PCDHGB2: variants seen among roughly 807,000 people sequenced by gnomAD.
The protein encoded by PCDHGB2 is protocadherin gamma subfamily B, 2.
Under a neutral mutation model 59.3 loss-of-function variants are expected in PCDHGB2, and 55 were observed. The ratio of observed to expected loss-of-function variants is 0.93; its 90% confidence interval spans 0.75 to 1.16. PCDHGB2 has a LOEUF of 1.16. PCDHGB2 is among the 50% of genes most tolerant of loss of function. PCDHGB2 has a pLI of 0.00. For missense variants in PCDHGB2, 1,228 were observed against 1,198.5 expected (o/e 1.02, Z -0.36); for synonymous variants, 516 against 512.0 (o/e 1.01, Z -0.11).
At position 141,405,272 on chromosome 5, in the gene PCDHGB2, A is replaced by G. The variant is rs551265067; in HGVS notation, c.2421+42716A>G. The G allele has an allele frequency of 9.3e-6, 15 of 1,614,170 alleles. No individual in the cohort carries two copies. In the South Asian group the frequency reaches 1.6e-4, roughly 18 times the overall value. On this transcript the variant is annotated intron_variant, in intron 1 of 3. Transcript: ENST00000522605. ...GAGTCACCTGATCTTCCCCCAGCCC[A>G]ACTATGCAGACACACTCATCAGCCA...
intron 1 of PCDHGB2, among the ~76,000 whole-genome samples, chr5:141,452,388 A>G (rs892688242): frequency 3.9e-5 from 6 of 152,210 alleles, no homozygotes; most frequent in Non-Finnish European, 5.9e-5. Flanking sequence ...TAGTATTTAG[A>G]AACTAAGATC....
chr5:141,364,114 T>C, intron 1 of PCDHGB2: 4 of 451,898 alleles, frequency 8.9e-6, no homozygotes, highest in Non-Finnish European at 1.5e-5. Flanking sequence ...TGGTTAGGAC[T>C]CTGAGTGTCG....
chr5:141,374,406 T>A (rs748431130), intron 1 of PCDHGB2: 2 of 1,614,018 alleles, frequency 1.2e-6, no homozygotes, highest in East Asian at 2.2e-5. Context: ...AGTTTTAACA[T>A]CCTTGTCGAG....
At chr5:141,478,840 A>G (rs2099480064) in intron 1 of PCDHGB2, 1 of 1,410,466 alleles carries the variant, frequency 7.1e-7, no homozygotes, top group Non-Finnish European at 9.3e-7. Context: ...AGGGATGGTT[A>G]AGCTAAAACA....
intron 1 of PCDHGB2, chr5:141,414,822 C>A: frequency 6.2e-7 from 1 of 1,614,240 alleles, no homozygotes; most frequent in Non-Finnish European, 8.5e-7. Context: ...TCAGCAGCAA[C>A]GTGTCGTTGA....
intron 1 of PCDHGB2, chr5:141,371,970 C>A: frequency 6.2e-7 from 1 of 1,613,250 alleles, no homozygotes; most frequent in Non-Finnish European, 8.5e-7. Context: ...CGAGCAGCTG[C>A]GTGCCTTCGA....
chr5:141,422,226 G>A (rs766346054), intron 1 of PCDHGB2: 1 of 1,565,844 alleles, frequency 6.4e-7, no homozygotes, highest in East Asian at 2.2e-5. Flanking sequence ...CCACCACGAC[G>A]ATGTTGATCA....
chr5:141,489,701 T>C lies in PCDHGB2; in HGVS notation c.2422-5106T>C, dbSNP rs1038902932. The C allele has an allele frequency of 1.9e-6, 3 of 1,614,128 alleles. No homozygotes were observed. The highest frequency in any genetic ancestry group is 2.5e-6 in the Non-Finnish European group (3 of 1,179,944). On this transcript the variant is annotated intron_variant, in intron 1 of 3. Transcript: ENST00000522605. The surrounding 1 kb of genome is among the most constrained non-coding windows in gnomAD (Gnocchi z 4.5). ...GCAGCATCTGGGGCACGATTCCCAC[T>C]GGACAGTGCCCAGGATCCGGATGTG...
Position 141,393,407 on chromosome 5 carries a change from C to T in PCDHGB2, c.2421+30851C>T, listed in dbSNP as rs766086453. ...TAAACCCAGAGCTGGTGCTGGAGCG[C>T]GCCCTGGACAGGGAGGAAGAGGCTG... On this transcript the variant is annotated intron_variant, in intron 1 of 3. Transcript: ENST00000522605. 3.1e-6 allele frequency: 5 copies of T among 1,614,056 alleles called. No individual in the cohort carries two copies. In the South Asian group the frequency reaches 5.5e-5, roughly 18 times the overall value.
intron 1 of PCDHGB2, chr5:141,413,740 C>T (rs1274240064): frequency 5.6e-6 from 9 of 1,613,284 alleles, no homozygotes; most frequent in African/African-American, 1.3e-5. Flanking sequence ...AGTTCAGAGC[C>T]GTGCCAATGG....
chr5:141,488,437 C>A (rs1327345486), intron 1 of PCDHGB2, among the ~76,000 whole-genome samples: 2 of 152,210 alleles, frequency 1.3e-5, no homozygotes, highest in Non-Finnish European at 2.9e-5. Context: ...CCTCTGACCA[C>A]CCTCCTGGGT....
chr5:141,390,448 A>AGT, intron 1 of PCDHGB2: 1 of 845,308 alleles, frequency 1.2e-6, no homozygotes, highest in South Asian at 1.8e-5. Context: ...ACAAAGGAGG[A>AGT]GTAAAGTAGG....
At chr5:141,384,969 G>C (rs996601457) in intron 1 of PCDHGB2, 1 of 1,614,014 alleles carries the variant, frequency 6.2e-7, no homozygotes, top group Admixed American at 1.7e-5. Flanking sequence ...ATGACCTCAC[G>C]TTGTACCTGG....
rs188874944 is a variant in PCDHGB2, at chr5:141,446,708, C to T, written c.2422-48099C>T. Among the ~76,000 whole-genome samples, 183 of 152,314 alleles carry T rather than the reference C, an allele frequency of 1.2e-3. 1 individual carries two copies. The highest frequency in any genetic ancestry group is 2.1e-3 in the Admixed American group (32 of 15,302). On this transcript the variant is annotated intron_variant, in intron 1 of 3. Coordinates refer to ENST00000522605, the MANE Select transcript of PCDHGB2 (RefSeq NM_018923.3). ...GGCCAGGCTGGTCTCGAACTCTGAT[C>T]TGCCCGCCTCGGCCTCCCAAAGTGT...
Position 141,477,952 on chromosome 5 carries a change from A to T in PCDHGB2, c.2422-16855A>T, listed in dbSNP as rs907708638. ...CCTGGCTCTCCTACAGTCTCTTGGG[A>T]TCCCCTAACCAGAGCCTTTTTGCCA... On this transcript the variant is annotated intron_variant, in intron 1 of 3. Coordinates refer to ENST00000522605, the MANE Select transcript of PCDHGB2 (RefSeq NM_018923.3). This position sits in a 1 kb window ranked among gnomAD's most constrained non-coding sequence, Gnocchi z 4.9. The T allele has an allele frequency of 1.9e-6, 3 of 1,613,920 alleles. No individual in the cohort carries two copies. The African/African-American group carries it at 4.0e-5, about 22-fold the overall frequency.
At chr5:141,369,714 T>A (rs565396016) in intron 1 of PCDHGB2, among the ~76,000 whole-genome samples, 20 of 152,268 alleles carry the variant, frequency 1.3e-4, no homozygotes, top group African/African-American at 4.3e-4. Context: ...CATTATAACT[T>A]TTAGAAGTTA....
At chr5:141,385,479 T>A in intron 1 of PCDHGB2, 6 of 1,429,214 alleles carry the variant, frequency 4.2e-6, no homozygotes, top group Non-Finnish European at 5.5e-6. Flanking sequence ...CACTTTAATA[T>A]AGAACACATA....
At chr5:141,429,408 T>A (rs2097213256) in intron 1 of PCDHGB2, among the ~76,000 whole-genome samples, 1 of 151,838 alleles carries the variant, frequency 6.6e-6, no homozygotes, top group Non-Finnish European at 1.5e-5. Flanking sequence ...GAGATTAAGG[T>A]CTCATTATGT....
rs1288831801 is a variant in PCDHGB2, at chr5:141,477,793, T to C, written c.2422-17014T>C. The C allele has an allele frequency of 6.2e-7, 1 of 1,614,050 alleles. No homozygotes were observed. The highest frequency in any genetic ancestry group is 2.2e-5 in the East Asian group (1 of 44,874). ...TCAGCGTGAACATATTTGTCACTGATCGCAATGACAATGCCCCCCAGGTCC... is the reference window on the plus strand; with the variant it reads ...TCAGCGTGAACATATTTGTCACTGACCGCAATGACAATGCCCCCCAGGTCC... On this transcript the variant is annotated intron_variant, in intron 1 of 3. Coordinates refer to ENST00000522605, the MANE Select transcript of PCDHGB2 (RefSeq NM_018923.3). This position sits in a 1 kb window ranked among gnomAD's most constrained non-coding sequence, Gnocchi z 4.9.
Sources: allele counts gnomAD v4.1 joint callset (sites outside exome capture counted in the v4.1 genomes callset), GRCh38; gene constraint gnomAD v4.1.1; non-coding constraint Gnocchi (gnomAD v3.1); transcripts MANE v1.5; gene names NCBI Gene and HGNC (gene_info 2026-07-23, HGNC 2026-07-21).